The following MYOM3 variants were observed in gnomAD, a reference collection of about 807,000 sequenced individuals.
MYOM3 encodes the protein myomesin 3.
Under a neutral mutation model 191.7 loss-of-function variants are expected in MYOM3, and 155 were observed. The ratio of observed to expected loss-of-function variants is 0.81; its 90% CI spans 0.71 to 0.92. MYOM3 has a LOEUF of 0.92. Among genes scored for constraint, MYOM3 ranks in the 40% least tolerant of loss-of-function variants. The probability of loss-of-function intolerance (pLI) is 0.00; values close to 1 mark genes in which losing one functional copy is unlikely to be tolerated. For missense variants in MYOM3, 1,889 were observed against 1,890.6 expected, an observed-to-expected ratio of 1.00 and a Z score of 0.02; for synonymous variants, 757 against 762.9, an observed-to-expected ratio of 0.99 and a Z score of 0.13.
rs1271298310 is a variant in MYOM3, at chr1:24,106,055, G to A, written c.425C>T (p.Ala142Val). ...GTAGCACAGCTCCCTCAGCTCCTTG[G>A]CCTCCTGGACCTTCTCCTCTGTCTG... ...RRRTEEKVQE[A>V]KELRELCYGR... The change falls in exon 5 of 37, where the codon GCC becomes GTC. Residue 142 changes from alanine to valine, a missense_variant. Ala to Val is a moderately conservative substitution (Grantham distance 64). Coordinates refer to ENST00000374434, the MANE Select transcript of MYOM3 (RefSeq NM_152372.4). 6.2e-7 allele frequency: 1 copy of A among 1,612,910 alleles called. No homozygotes were observed. The highest frequency in any genetic ancestry group is 1.1e-5 in the South Asian group (1 of 90,944).
rs775427570 is a variant in MYOM3, at chr1:24,108,647, G to C, written c.-11C>G. 2 of 1,540,702 alleles carry C rather than the reference G, an allele frequency of 1.3e-6. No homozygotes were observed. The highest frequency in any genetic ancestry group is 1.2e-5 in the South Asian group (1 of 82,490). On this transcript the variant is annotated 5_prime_UTR_variant, in exon 2 of 37. Coordinates refer to ENST00000374434, the MANE Select transcript of MYOM3 (RefSeq NM_152372.4). Reference sequence around the variant, plus strand: ...GTGCGGCAGAGTCATGGTTACGAGAGCAACAACCTGTGAAGGCCAAGGTCC... The same window carrying C: ...GTGCGGCAGAGTCATGGTTACGAGACCAACAACCTGTGAAGGCCAAGGTCC...
chr1:24,086,702 C>T lies in MYOM3; in HGVS notation c.1740G>A (p.Gln580=). 3 of 1,614,180 alleles carry T rather than the reference C, an allele frequency of 1.9e-6. No individual in the cohort carries two copies. Among genetic ancestry groups the T allele is most frequent in the Non-Finnish European group, 2.5e-6 (3 of 1,180,020 alleles). The part of the protein sequence containing the change: ...SYVFRVRAMN[Q]YGLSDPSEPS... ...GCTCCGAGGGATCGCTCAGGCCATA[C>T]TGGTTCATTGCTCGCACTCTGAAGA... The change falls in exon 15 of 37, where the codon CAG becomes CAA. Residue 580 remains glutamine, a synonymous_variant. Transcript: ENST00000374434.
In MYOM3 at chr1:24,108,072, C is replaced by G; in HGVS notation, c.163G>C (p.Glu55Gln). The change falls in exon 3 of 37, where the codon GAA (glutamate) becomes CAA (glutamine). Residue 55 changes from glutamate to glutamine, a missense_variant and splice_region_variant. Coordinates refer to ENST00000374434, the MANE Select transcript of MYOM3 (RefSeq NM_152372.4). The stretch of plus-strand genomic sequence containing the variant: ...GCGGCGCTGAACTCATGCTCTTCTT[C>G]GCTGCTCCCAGAAGGAGGGGAGTAA... ...SVRRRTFRSS[E>Q]EEHEFSAADY... 2 of 1,613,406 alleles carry G rather than the reference C, an allele frequency of 1.2e-6. No homozygotes were observed. Among genetic ancestry groups the G allele is most frequent in the Non-Finnish European group, 1.7e-6 (2 of 1,179,690 alleles).
chr1:24,060,935 G>C, intron 35 of MYOM3, 125 bp downstream of exon 35: 1 of 1,054,484 alleles, frequency 9.5e-7, no homozygotes, highest in Non-Finnish European at 1.4e-6. Flanking sequence ...AGCTCTGTAA[G>C]ACCCTAGAGC....
At chr1:24,072,850 C>T (rs772709404) in intron 23 of MYOM3, among the ~76,000 whole-genome samples, 3 of 152,050 alleles carry the variant, frequency 2.0e-5, no homozygotes, top group Non-Finnish European at 4.4e-5. Flanking sequence ...ACTGCTTCTT[C>T]GTGTTGCCTT....
At chr1:24,078,359 C>T (rs1033418582) in intron 20 of MYOM3, among the ~76,000 whole-genome samples, 42 of 152,130 alleles carry the variant, frequency 2.8e-4, no homozygotes, top group African/African-American at 7.7e-4. Context: ...TCAGGAGATC[C>T]GCCTGCCTCG....
At chr1:24,090,317 C>T (rs12042188) in intron 12 of MYOM3, among the ~76,000 whole-genome samples, 199 bp from the exon 13 acceptor site, 78,756 of 151,970 alleles carry the variant, frequency 0.52, 20,801 homozygotes, top group South Asian at 0.67. Flanking sequence ...GCTCTCAGGC[C>T]CTGGCACATG....
rs1643649089 is a variant in MYOM3, at chr1:24,080,122, T to C, written c.2480A>G (p.Tyr827Cys). The C allele has an allele frequency of 6.2e-7, 1 of 1,613,766 alleles. No individual in the cohort carries two copies. The highest frequency in any genetic ancestry group is 2.2e-5 in the East Asian group (1 of 44,874). ...SLVLQWEPPLYMGAGPVTGYH... is the reference protein window; with the variant it reads ...SLVLQWEPPLCMGAGPVTGYH... ...GCCTGTGACAGGCCCAGCCCCCATATACAGTGGGGGTTCCCACTGCAGCAC... is the reference window on the plus strand; with the variant it reads ...GCCTGTGACAGGCCCAGCCCCCATACACAGTGGGGGTTCCCACTGCAGCAC... The change falls in exon 20 of 37, where the codon TAT (tyrosine) becomes TGT (cysteine). Residue 827 changes from tyrosine to cysteine, a missense_variant. Physicochemically the swap from Tyr to Cys is radical, Grantham distance 194. Coordinates refer to ENST00000374434, the MANE Select transcript of MYOM3 (RefSeq NM_152372.4).
At chr1:24,067,301 T>TTCCTTCC (rs1557602279) in intron 27 of MYOM3, among the ~76,000 whole-genome samples, 2 of 124,724 alleles carry the variant, frequency 1.6e-5, no homozygotes, top group Non-Finnish European at 3.2e-5. Flanking sequence ...TCTTTCTTTC[T>TTCCTTCC]TTCCTTCTTT....
chr1:24,078,469 T>C (rs1327500894), intron 20 of MYOM3, among the ~76,000 whole-genome samples: 2 of 152,206 alleles, frequency 1.3e-5, no homozygotes, highest in Non-Finnish European at 2.9e-5. Flanking sequence ...AAACAGGACA[T>C]GCACCGTATC....
chr1:24,110,906 C>G (rs1644032921), intron 1 of MYOM3, among the ~76,000 whole-genome samples: 1 of 152,164 alleles, frequency 6.6e-6, no homozygotes, highest in African/African-American at 2.4e-5. Flanking sequence ...GACACGATGG[C>G]CCTGGCTCCA....
chr1:24,093,237 C>T (rs998128018), intron 9 of MYOM3, 129 bp from the exon 10 acceptor site: 5 of 638,516 alleles, frequency 7.8e-6, no homozygotes, highest in Non-Finnish European at 1.4e-5. Context: ...CAGCTCAGGC[C>T]TTGGGTGGGG....
intron 20 of MYOM3, among the ~76,000 whole-genome samples, chr1:24,079,470 G>A (rs2148550054): frequency 6.6e-6 from 1 of 152,030 alleles, no homozygotes; most frequent in South Asian, 2.1e-4. Flanking sequence ...AGAGTGCTGA[G>A]ATTAAAGGAA....
At position 24,075,399 on chromosome 1, in the gene MYOM3, G is replaced by GTCGGGGGCT. The variant is rs1480055527; in HGVS notation, c.2769_2777dup (p.Glu923_Pro925dup). On this transcript the variant is annotated inframe_insertion, in exon 22 of 37. Coordinates refer to ENST00000374434, the MANE Select transcript of MYOM3 (RefSeq NM_152372.4). ...CTTTGGACCACTGAAACTCTGAGGA[G>GTCGGGGGCT]TCGGGGGCTTCAGGGGCTTCAAAAG... 2 of 1,612,466 alleles carry GTCGGGGGCT rather than the reference G, an allele frequency of 1.2e-6. No homozygotes were observed.
In MYOM3 at chr1:24,084,483, G is replaced by C; in HGVS notation, c.1955C>G (p.Pro652Arg). The C allele has an allele frequency of 1.2e-6, 2 of 1,614,080 alleles. No homozygotes were observed. Among genetic ancestry groups the C allele is most frequent in the Non-Finnish European group, 1.7e-6 (2 of 1,180,026 alleles). Residue 652 changes from proline (P) to arginine (R), a missense_variant, in exon 16 of 37, where the codon CCC becomes CGC. Physicochemically the swap from Pro to Arg is moderately radical, Grantham distance 103. Coordinates refer to ENST00000374434, the MANE Select transcript of MYOM3 (RefSeq NM_152372.4). ...TSEWQTVNNK[P>R]IQGTRFTVPG... is the part of the protein sequence containing the mutation. The stretch of plus-strand genomic sequence containing the variant: ...GCAGACGTACCTGGTGCCTTGGATG[G>C]GTTTGTTGTTAACTGTTTGCCACTC...
At chr1:24,073,408 C>T (rs537574112) in intron 23 of MYOM3, among the ~76,000 whole-genome samples, 2 of 152,278 alleles carry the variant, frequency 1.3e-5, no homozygotes, top group East Asian at 1.9e-4. Flanking sequence ...GTCCTTTAGA[C>T]GTGGTATTCA....
rs146773521 is a variant in MYOM3, at chr1:24,084,365, T to A, written c.1970+103A>T. The A allele has an allele frequency of 8.3e-5, 110 of 1,330,154 alleles. No individual in the cohort carries two copies. In the East Asian group the frequency reaches 2.3e-3, roughly 28 times the overall value. 82.4% of individuals were successfully genotyped at this position (1,330,154 alleles called of 1,614,324 possible). On this transcript the variant is annotated intron_variant, in intron 16 of 36. Transcript: ENST00000374434. ...AAGAAGCCTGTATAGGTCGCAGAAC[T>A]GTGAGCTGATTAAACCTCTTTTCTT...
In MYOM3 at chr1:24,108,236, C is replaced by T. The variant is rs911194700; in HGVS notation, c.162-163G>A. 9 of 750,218 alleles carry T rather than the reference C, an allele frequency of 1.2e-5. No homozygotes were observed. In the Admixed American group the frequency reaches 2.6e-4, roughly 22 times the overall value. 46.5% of individuals were successfully genotyped at this position (750,218 alleles called of 1,614,324 possible). A position where few individuals can be genotyped will look rare whatever the true frequency, so the allele number is the denominator to read the frequency against. On this transcript the variant is annotated intron_variant, in intron 2 of 36. Transcript: ENST00000374434. ...AGAAAGCAAGGCTGCATCCCCCCGA[C>T]CCTGAATGTGCTTCCCTCCTCAAAC...
At chr1:24,058,698 C>A (rs6685537) in intron 36 of MYOM3, among the ~76,000 whole-genome samples, 7,384 of 152,208 alleles carry the variant, frequency 0.049, 632 homozygotes, top group African/African-American at 0.16. Flanking sequence ...GTCTAGGATG[C>A]CCAGGGCTGT....
Sources: allele counts gnomAD v4.1 joint callset (sites outside exome capture counted in the v4.1 genomes callset), GRCh38; gene constraint gnomAD v4.1.1; transcripts MANE v1.5; gene names NCBI Gene and HGNC (gene_info 2026-07-23, HGNC 2026-07-21).